ARHGAP39: variants seen among roughly 807,000 people sequenced by gnomAD.
The protein encoded by ARHGAP39 is rho GTPase-activating protein 39.
Under a neutral mutation model 106.9 loss-of-function variants are expected in ARHGAP39, and 44 were observed. That is an observed-to-expected ratio of 0.41 (90% CI 0.32 to 0.53). The LOEUF (loss-of-function observed/expected upper bound fraction) is 0.53, where lower values mean the gene tolerates loss of function less well. Ranked by LOEUF, ARHGAP39 falls within the 20% of genes least tolerant of loss-of-function variation. ARHGAP39 has a pLI of 0.21. For synonymous variants in ARHGAP39, 768 were observed against 693.2 expected (o/e 1.11, Z -1.69); for missense variants, 1,496 against 1,577.3 (o/e 0.95, Z 0.87).
rs965747251 is a variant in ARHGAP39 at position 144,679,127 on chromosome 8, CAG to C, written c.-82+6557_-82+6558del. 6.6e-6 allele frequency among the ~76,000 whole-genome samples: 1 copy of C among 152,220 alleles called. No homozygotes were observed. Among genetic ancestry groups the C allele is most frequent in the African/African-American group, 2.4e-5 (1 of 41,468 alleles). ...TGTGGGTGCTGAGTCTGAGCCGCCTCAGGGGCTCTCGCGCATGGTGGCCGGCT... is the reference window on the plus strand; with the variant it reads ...TGTGGGTGCTGAGTCTGAGCCGCCTCGGGCTCTCGCGCATGGTGGCCGGCT... On this transcript the variant is annotated intron_variant, in intron 1 of 11. Transcript: ENST00000377307. The surrounding 1 kb of genome is among the most constrained non-coding windows in gnomAD (Gnocchi z 4.7).
chr8:144,544,479 C>T (rs180672863), intron 6 of ARHGAP39, among the ~76,000 whole-genome samples: 3 of 152,280 alleles, frequency 2.0e-5, no homozygotes, highest in East Asian at 3.9e-4. Flanking sequence ...TGTGTGCGTG[C>T]GTGCATGTGT....
Position 144,530,463 on chromosome 8 carries a change from T to C in ARHGAP39, c.3304A>G (p.Ile1102Val). The C allele has an allele frequency of 6.2e-7, 1 of 1,610,808 alleles. No individual in the cohort carries two copies. The highest frequency in any genetic ancestry group is 8.5e-7 in the Non-Finnish European group (1 of 1,178,950). ...RKEMSFLRVL[I>V]QHLDTSFMEG... The stretch of plus-strand genomic sequence containing the variant: ...ATGAAGCTGGTGTCCAGGTGCTGGA[T>C]GAGCACCCGCAGGAAGGACATCTCC... Residue 1102 changes from isoleucine (I) to valine (V), a missense_variant, in exon 12 of 12, where the codon ATC becomes GTC. Around this residue, in one of 4 missense-constraint regions of ARHGAP39, gnomAD observed 470 missense variants for 605.1 expected, o/e 0.78. Transcript: ENST00000377307.
At position 144,547,382 on chromosome 8, in the gene ARHGAP39, G is replaced by A. The variant is rs781719535; in HGVS notation, c.1704C>T (p.Phe568=). The change falls in exon 5 of 12, where the codon TTC becomes TTT. Residue 568 remains phenylalanine, a synonymous_variant. Coordinates refer to ENST00000377307, the MANE Select transcript of ARHGAP39 (RefSeq NM_025251.3). The surrounding 1 kb of genome is among the most constrained non-coding windows in gnomAD (Gnocchi z 5.2). ...CCCAGCTGCTCCTCTGCTTCATGTG[G>A]AAGTGGGCCTGCTGCGCCTCCCAGG... ...RLAWEAQQAH[F]HMKQRSSWDS... 3 of 1,598,294 alleles carry A rather than the reference G, an allele frequency of 1.9e-6. No homozygotes were observed. Among genetic ancestry groups the A allele is most frequent in the Non-Finnish European group, 8.5e-7 (1 of 1,177,816 alleles).
chr8:144,548,231 G>T lies in ARHGAP39; in HGVS notation c.855C>A (p.Ser285Arg). Residue 285 changes from serine (S) to arginine (R), a missense_variant, in exon 5 of 12, where the codon AGC becomes AGA. Physicochemically the swap from Ser to Arg is moderately radical, Grantham distance 110 (BLOSUM62 -1). Coordinates refer to ENST00000377307, the MANE Select transcript of ARHGAP39 (RefSeq NM_025251.3). The surrounding 1 kb of genome is among the most constrained non-coding windows in gnomAD (Gnocchi z 7.4). ...TTCGGGGCTGGGCCAGCAGCGGGGA[G>T]CTGCTCCCTGGGAGCTCGGCCCTCT... ...FLKRAELPGS[S>R]SPLLAQPRKP... 6.2e-7 allele frequency: 1 copy of T among 1,607,786 alleles called. No homozygotes were observed. Among genetic ancestry groups the T allele is most frequent in the Non-Finnish European group, 8.5e-7 (1 of 1,176,860 alleles).
rs111653352 is a variant in ARHGAP39, at chr8:144,646,795, C to T, written c.-82+38891G>A. Among the ~76,000 whole-genome samples the T allele has an allele frequency of 0.022, 3,371 of 152,268 alleles. 109 individuals carry two copies. The highest frequency in any genetic ancestry group is 0.073 in the African/African-American group (3,043 of 41,548). ...GTCCAAGCGGGCCATGGCCCTGGCA[C>T]TGCACGTGAGGAAACAAGGCCTTGG... On this transcript the variant is annotated intron_variant, in intron 1 of 11. Coordinates refer to ENST00000377307, the MANE Select transcript of ARHGAP39 (RefSeq NM_025251.3). This position sits in a 1 kb window ranked among gnomAD's most constrained non-coding sequence, Gnocchi z 5.7.
At position 144,622,800 on chromosome 8, in the gene ARHGAP39, G is replaced by A. The variant is rs187301295; in HGVS notation, c.-81-17105C>T. 1.8e-3 allele frequency among the ~76,000 whole-genome samples: 275 copies of A among 152,382 alleles called. 1 individual carries two copies. The highest frequency in any genetic ancestry group is 0.017 in the Middle Eastern group (5 of 294). ...GAACCTGGAAAAAGGAAGGCCCCGC[G>A]CAGGAGGGCCCTGGCCGGCAGCTGG... is the stretch of plus-strand genomic sequence containing the variant. On this transcript the variant is annotated intron_variant, in intron 1 of 11. Transcript: ENST00000377307.
In ARHGAP39 at chr8:144,646,783, A is replaced by ATGGCCC. The variant is rs1310354718; in HGVS notation, c.-82+38897_-82+38902dup. Among the ~76,000 whole-genome samples the ATGGCCC allele has an allele frequency of 1.3e-5, 2 of 152,158 alleles. No homozygotes were observed. The highest frequency in any genetic ancestry group is 4.8e-5 in the African/African-American group (2 of 41,452). Reference sequence around the variant, plus strand: ...GCTGGGCCCAGAGTCCAAGCGGGCCATGGCCCTGGCACTGCACGTGAGGAA... The same window carrying ATGGCCC: ...GCTGGGCCCAGAGTCCAAGCGGGCCATGGCCCTGGCCCTGGCACTGCACGTGAGGAA... On this transcript the variant is annotated intron_variant, in intron 1 of 11. Transcript: ENST00000377307. The surrounding 1 kb of genome is among the most constrained non-coding windows in gnomAD (Gnocchi z 5.7).
chr8:144,680,887 A>G lies in ARHGAP39; in HGVS notation c.-82+4799T>C, dbSNP rs369666000. Among the ~76,000 whole-genome samples the G allele has an allele frequency of 8.4e-4, 128 of 152,352 alleles. 4 individuals are homozygous for G. In the South Asian group the frequency reaches 0.026, roughly 31 times the overall value. Reference sequence around the variant, plus strand: ...GAGGGGGGTGCTATTTCATGTTAACAAAACTCAGATATATGATAATAAAAT... The same window carrying G: ...GAGGGGGGTGCTATTTCATGTTAACGAAACTCAGATATATGATAATAAAAT... On this transcript the variant is annotated intron_variant, in intron 1 of 11. Transcript: ENST00000377307.
At chr8:144,658,364 T>A (rs548653904) in intron 1 of ARHGAP39, among the ~76,000 whole-genome samples, 56 of 151,890 alleles carry the variant, frequency 3.7e-4, no homozygotes, top group African/African-American at 1.2e-3. Context: ...AACCTCCACC[T>A]CCTGGGTTCA....
chr8:144,600,889 C>T (rs1215944693), intron 2 of ARHGAP39, among the ~76,000 whole-genome samples: 3 of 141,088 alleles, frequency 2.1e-5, no homozygotes, highest in Non-Finnish European at 4.6e-5. Context: ...GCTCGTGTAC[C>T]TGTGCGTGTG....
intron 3 of ARHGAP39, among the ~76,000 whole-genome samples, chr8:144,577,413 A>T (rs1469281534): frequency 6.6e-6 from 1 of 152,236 alleles, no homozygotes; most frequent in African/African-American, 2.4e-5. Flanking sequence ...TGGGAACACA[A>T]GGAGTATCAA....
intron 1 of ARHGAP39, among the ~76,000 whole-genome samples, chr8:144,668,152 A>G (rs970917038): frequency 3.3e-5 from 5 of 152,136 alleles, no homozygotes; most frequent in African/African-American, 1.2e-4. Context: ...TCAGAAAGGA[A>G]ATTTTAAGGC....
At chr8:144,588,861 G>C (rs1312775783) in intron 2 of ARHGAP39, among the ~76,000 whole-genome samples, 1 of 152,264 alleles carries the variant, frequency 6.6e-6, no homozygotes, top group Admixed American at 6.5e-5. Flanking sequence ...CCAGTGAATC[G>C]TGGTGAAGAT....
At chr8:144,673,635 C>G (rs1822158158) in intron 1 of ARHGAP39, among the ~76,000 whole-genome samples, 1 of 152,198 alleles carries the variant, frequency 6.6e-6, no homozygotes, top group African/African-American at 2.4e-5. Context: ...GTCATGAGAT[C>G]CTTGGGGTGT....
intron 3 of ARHGAP39, among the ~76,000 whole-genome samples, chr8:144,559,018 C>T (rs1329957750): frequency 1.3e-5 from 2 of 152,110 alleles, no homozygotes; most frequent in South Asian, 2.1e-4. Context: ...ACCAGCCTGG[C>T]CAATATGGTG....
intron 2 of ARHGAP39, among the ~76,000 whole-genome samples, chr8:144,584,688 G>A (rs1380662256): frequency 1.3e-5 from 2 of 152,270 alleles, no homozygotes; most frequent in Non-Finnish European, 2.9e-5. Context: ...CCTTGAACCC[G>A]GGAGGCAGAG....
At chr8:144,598,204 G>A (rs544446388) in intron 2 of ARHGAP39, among the ~76,000 whole-genome samples, 8 of 152,354 alleles carry the variant, frequency 5.3e-5, no homozygotes, top group Admixed American at 2.6e-4. Flanking sequence ...GAACCCAGCC[G>A]TGGGCCTTTC....
At chr8:144,560,540 T>C (rs900957499) in intron 3 of ARHGAP39, among the ~76,000 whole-genome samples, 2 of 152,192 alleles carry the variant, frequency 1.3e-5, no homozygotes, top group African/African-American at 4.8e-5. Context: ...GCTAGAAATA[T>C]GGAATATGCC....
chr8:144,548,427 C>T lies in ARHGAP39; in HGVS notation c.659G>A (p.Arg220Gln), dbSNP rs762268313. 1.1e-5 allele frequency: 17 copies of T among 1,610,768 alleles called. No homozygotes were observed. The South Asian group carries it at 1.3e-4, about 12-fold the overall frequency. The change falls in exon 5 of 12, where the codon CGG becomes CAG. Residue 220 changes from arginine to glutamine, a missense_variant. Physicochemically the swap from Arg to Gln is conservative, Grantham distance 43. Around this residue, in one of 4 missense-constraint regions of ARHGAP39, gnomAD observed 905 missense variants for 816.4 expected, o/e 1.11. Coordinates refer to ENST00000377307, the MANE Select transcript of ARHGAP39 (RefSeq NM_025251.3). The surrounding 1 kb of genome is among the most constrained non-coding windows in gnomAD (Gnocchi z 7.4). ...CTGGGCGGCGAGGAAGCTGGGCTCC[C>T]GATCAGCGACCTTGATGAGCATGCG... ...KERMLIKVAD[R>Q]EPSFLAAQGN...
Sources: allele counts gnomAD v4.1 joint callset (sites outside exome capture counted in the v4.1 genomes callset), GRCh38; gene constraint gnomAD v4.1.1; regional missense constraint gnomAD v4.1.1; non-coding constraint Gnocchi (gnomAD v3.1); transcripts MANE v1.5; gene names NCBI Gene and HGNC (gene_info 2026-07-23, HGNC 2026-07-21).